ADAM2: variants seen among roughly 807,000 people sequenced by gnomAD.
ADAM2 encodes disintegrin and metalloproteinase domain-containing protein 2.
A neutral mutation model predicts 99.3 loss-of-function variants in ADAM2; 101 were observed. That is an observed-to-expected ratio of 1.02 (90% CI 0.87 to 1.20). ADAM2 has a LOEUF of 1.20. Among genes scored for constraint, ADAM2 ranks in the 50% most tolerant of loss-of-function variants. ADAM2 has a pLI of 0.00. For missense variants in ADAM2, 948 were observed against 878.7 expected, an observed-to-expected ratio of 1.08 and a Z score of -1.00; for synonymous variants, 323 against 287.6, an observed-to-expected ratio of 1.12 and a Z score of -1.25.
At chr8:39,821,542 A>AATATT (rs1805188250) in intron 5 of ADAM2, 44 bp downstream of exon 5, 1 of 1,349,906 alleles carries the variant, frequency 7.4e-7, no homozygotes. Flanking sequence ...ATAATTTTGA[A>AATATT]GTAAATATTT....
chr8:39,819,336 G>T (rs1281950484), intron 6 of ADAM2, among the ~76,000 whole-genome samples: 3 of 151,976 alleles, frequency 2.0e-5, no homozygotes, highest in Non-Finnish European at 4.4e-5. Flanking sequence ...AAAAAAATTT[G>T]AATTTCTACC....
In ADAM2 at chr8:39,772,741, T is replaced by C. The variant is rs79973879; in HGVS notation, c.1029-3166A>G. ...AAATTACAAAGTATTTGCAAAAGAATGAAATGTTCTAGTAACAATACAACA... is the reference window on the plus strand; with the variant it reads ...AAATTACAAAGTATTTGCAAAAGAACGAAATGTTCTAGTAACAATACAACA... On this transcript the variant is annotated intron_variant, in intron 11 of 20. Transcript: ENST00000265708. Among the ~76,000 whole-genome samples the C allele has an allele frequency of 9.4e-3, 1,433 of 152,060 alleles. 19 individuals carry two copies. Among genetic ancestry groups the C allele is most frequent in the African/African-American group, 0.033 (1,369 of 41,544 alleles).
chr8:39,746,296 G>T (rs750138219), intron 19 of ADAM2, among the ~76,000 whole-genome samples, 176 bp downstream of exon 19: 1 of 152,074 alleles, frequency 6.6e-6, no homozygotes, highest in African/African-American at 2.4e-5. Flanking sequence ...GAAAGTGGTG[G>T]GATGACAGGC....
rs76230558 is a variant in ADAM2 at position 39,750,424 on chromosome 8, T to C, written c.1798-680A>G. The stretch of plus-strand genomic sequence containing the variant: ...TGAAAGAAGATATTATTGGCATGAT[T>C]GTGTAGAATCTTATATTCTTCATGA... On this transcript the variant is annotated intron_variant, in intron 16 of 20. Coordinates refer to ENST00000265708, the MANE Select transcript of ADAM2 (RefSeq NM_001464.5). Among the ~76,000 whole-genome samples the C allele has an allele frequency of 2.0e-5, 3 of 152,238 alleles. No homozygotes were observed. The East Asian group carries it at 5.8e-4, about 29-fold the overall frequency.
Position 39,838,112 on chromosome 8 carries a change from G to A in ADAM2, c.55+19C>T. On this transcript the variant is annotated intron_variant, in intron 1 of 20. Transcript: ENST00000265708. ...CGCTGAGGGTCCCAAAAGGCCAGAG[G>A]AGGGGTTTTTCTGCTTACTACTGTC... 1 of 1,613,940 alleles carries A rather than the reference G, an allele frequency of 6.2e-7. No homozygotes were observed. The highest frequency in any genetic ancestry group is 2.2e-5 in the East Asian group (1 of 44,868).
chr8:39,830,773 A>AC (rs889741238), intron 3 of ADAM2, among the ~76,000 whole-genome samples: 1 of 151,976 alleles, frequency 6.6e-6, no homozygotes, highest in African/African-American at 2.4e-5. Flanking sequence ...GCTAATAGAA[A>AC]CGAAAAAAAA....
intron 3 of ADAM2, among the ~76,000 whole-genome samples, chr8:39,832,365 T>C (rs1805652801): frequency 6.6e-6 from 1 of 152,208 alleles, no homozygotes; most frequent in Non-Finnish European, 1.5e-5. Context: ...GGGTAGGGAC[T>C]GACAGGGCTT....
At chr8:39,789,235 GC>G (rs1803601228) in intron 7 of ADAM2, among the ~76,000 whole-genome samples, 1 of 151,410 alleles carries the variant, frequency 6.6e-6, no homozygotes, top group African/African-American at 2.4e-5. Context: ...ATTACACAAG[GC>G]AAAAAATAAC....
At chr8:39,824,238 G>A (rs1008822665) in intron 4 of ADAM2, among the ~76,000 whole-genome samples, 14 of 144,870 alleles carry the variant, frequency 9.7e-5, no homozygotes, top group South Asian at 2.2e-4. Flanking sequence ...AGCTGAGATC[G>A]CGCCATTGCA....
intron 2 of ADAM2, among the ~76,000 whole-genome samples, chr8:39,835,193 CTCT>C (rs1217308474): frequency 1.3e-5 from 2 of 152,056 alleles, no homozygotes; most frequent in African/African-American, 4.8e-5. Flanking sequence ...TTACTATTAC[CTCT>C]TCTTCTTTTC....
At chr8:39,826,170 T>C (rs1586160419) in intron 3 of ADAM2, among the ~76,000 whole-genome samples, 1 of 152,324 alleles carries the variant, frequency 6.6e-6, no homozygotes, top group Non-Finnish European at 1.5e-5. Flanking sequence ...AGAGGCATCA[T>C]ACTACTTGAC....
chr8:39,746,008 T>TG (rs1195876299), intron 19 of ADAM2, among the ~76,000 whole-genome samples: 1 of 108,256 alleles, frequency 9.2e-6, no homozygotes, highest in Non-Finnish European at 1.9e-5. Flanking sequence ...TGTGTGCATG[T>TG]GTGTGTGTGT....
chr8:39,769,737 T>C (rs565240606), intron 11 of ADAM2, among the ~76,000 whole-genome samples, 162 bp from the exon 12 acceptor site: 1 of 152,310 alleles, frequency 6.6e-6, no homozygotes, highest in Admixed American at 6.5e-5. Context: ...TGTGCAAGAA[T>C]GTAAATATTT....
At chr8:39,827,213 T>C (rs1157666613) in intron 3 of ADAM2, among the ~76,000 whole-genome samples, 1 of 152,120 alleles carries the variant, frequency 6.6e-6, no homozygotes, top group Admixed American at 6.5e-5. Flanking sequence ...GATTGGCTAT[T>C]ATCAAAAAGA....
intron 10 of ADAM2, among the ~76,000 whole-genome samples, chr8:39,781,637 T>G (rs150084369): frequency 2.0e-5 from 3 of 152,166 alleles, no homozygotes; most frequent in Admixed American, 2.0e-4. Flanking sequence ...ATGGATAAAA[T>G]GCCTCAATAT....
chr8:39,747,750 G>T (rs1027320960), intron 18 of ADAM2, among the ~76,000 whole-genome samples: 2 of 152,148 alleles, frequency 1.3e-5, no homozygotes, highest in African/African-American at 4.8e-5. Flanking sequence ...TAGTAGGCAT[G>T]AGTTCAATTT....
intron 16 of ADAM2, among the ~76,000 whole-genome samples, chr8:39,753,443 T>C (rs1802027125): frequency 6.7e-6 from 1 of 149,670 alleles, no homozygotes; most frequent in Non-Finnish European, 1.5e-5. Context: ...AAAAAACCCA[T>C]GTTCTGGGGA....
intron 11 of ADAM2, among the ~76,000 whole-genome samples, chr8:39,772,045 T>C (rs1474716683): frequency 2.0e-5 from 3 of 150,926 alleles, no homozygotes; most frequent in Non-Finnish European, 4.4e-5. Context: ...AACCGCACGT[T>C]GTGCACATGT....
intron 1 of ADAM2, among the ~76,000 whole-genome samples, chr8:39,837,627 C>T (rs1344956322): frequency 6.6e-6 from 1 of 152,060 alleles, no homozygotes; most frequent in Non-Finnish European, 1.5e-5. Context: ...CCTCGTGATA[C>T]GCCTTCCTCA....
Sources: allele counts gnomAD v4.1 joint callset (sites outside exome capture counted in the v4.1 genomes callset), GRCh38; gene constraint gnomAD v4.1.1; transcripts MANE v1.5; gene names NCBI Gene and HGNC (gene_info 2026-07-23, HGNC 2026-07-21).